KIF4A: variants seen among roughly 807,000 people sequenced by gnomAD.
KIF4A encodes the protein kinesin family member 4A, also known as chromosome-associated kinesin KIF4A.
Under a neutral mutation model 105.9 loss-of-function variants are expected in KIF4A, and 7 were observed. The observed-to-expected ratio is 0.07, with a 90% CI of 0.04 to 0.12. The LOEUF (loss-of-function observed/expected upper bound fraction) is 0.12. Among genes scored for constraint, KIF4A ranks in the 10% least tolerant of loss-of-function variants. The pLI, the probability that KIF4A is intolerant of heterozygous loss-of-function variation, is 1.00. For missense variants in KIF4A, 558 were observed against 929.2 expected (o/e 0.60, Z 5.19); for synonymous variants, 281 against 331.3 (o/e 0.85, Z 1.65).
intron 15 of KIF4A, among the ~76,000 whole-genome samples, chrX:70,357,445 G>A (rs2086056519): frequency 9.0e-6 from 1 of 111,554 alleles, no homozygotes; most frequent in South Asian, 3.8e-4. Flanking sequence ...CTTTCTCTAG[G>A]GCTGTTGCCC....
intron 28 of KIF4A, among the ~76,000 whole-genome samples, chrX:70,410,846 T>C (rs2086319037): frequency 1.8e-5 from 2 of 111,744 alleles, no homozygotes; most frequent in East Asian, 5.6e-4. Flanking sequence ...AGCCTAGGGG[T>C]TGTGGACCCC....
chrX:70,321,018 C>T (rs1232962178), intron 7 of KIF4A, among the ~76,000 whole-genome samples: 2 of 112,053 alleles, frequency 1.8e-5, no homozygotes, highest in Non-Finnish European at 3.8e-5. Context: ...AAAAATACCA[C>T]CTTTTACATG....
At chrX:70,340,472 G>T (rs2085968141) in intron 10 of KIF4A, among the ~76,000 whole-genome samples, 1 of 112,075 alleles carries the variant, frequency 8.9e-6, no homozygotes, top group Non-Finnish European at 1.9e-5. Flanking sequence ...AAACTATCGA[G>T]TTAAAAGTAT....
chrX:70,348,404 G>A (rs1011237737), intron 13 of KIF4A, among the ~76,000 whole-genome samples: 30 of 111,233 alleles, frequency 2.7e-4, no homozygotes, highest in Non-Finnish European at 4.9e-4. Context: ...CTCAGAGAGG[G>A]GGATGTGGCA....
intron 10 of KIF4A, among the ~76,000 whole-genome samples, chrX:70,340,224 T>C (rs1386644229): frequency 1.8e-5 from 2 of 111,883 alleles, no homozygotes; most frequent in African/African-American, 6.5e-5. Context: ...TAGGGGCTAT[T>C]GGGAGAACTT....
At chrX:70,319,485 C>T (rs1000744831) in intron 7 of KIF4A, among the ~76,000 whole-genome samples, 6 of 111,255 alleles carry the variant, frequency 5.4e-5, no homozygotes, top group African/African-American at 1.6e-4. Flanking sequence ...TCCGTTCTTT[C>T]CCTACTGATA....
intron 4 of KIF4A, among the ~76,000 whole-genome samples, chrX:70,298,306 C>T (rs760771349): frequency 3.6e-5 from 4 of 110,988 alleles, no homozygotes; most frequent in Non-Finnish European, 7.5e-5. Flanking sequence ...TCATAGCTCA[C>T]TGCAGCCTCC....
intron 18 of KIF4A, among the ~76,000 whole-genome samples, chrX:70,383,585 A>G (rs1400885433): frequency 1.8e-5 from 2 of 112,273 alleles, no homozygotes; most frequent in Non-Finnish European, 3.8e-5. Context: ...CCTTGTACCC[A>G]GATGTTCATG....
intron 29 of KIF4A, among the ~76,000 whole-genome samples, chrX:70,419,137 T>C (rs2086356481): frequency 9.1e-6 from 1 of 110,394 alleles, no homozygotes. Context: ...GAAGTCAGGC[T>C]AAGAACTGTA....
At chrX:70,350,007 G>A (rs1211109669) in intron 13 of KIF4A, among the ~76,000 whole-genome samples, 1 of 112,285 alleles carries the variant, frequency 8.9e-6, no homozygotes, top group Admixed American at 9.3e-5. Flanking sequence ...CCCAGACGGG[G>A]CAGCCGGGCA....
intron 10 of KIF4A, among the ~76,000 whole-genome samples, chrX:70,339,949 T>C (rs1415782121): frequency 8.9e-6 from 1 of 112,135 alleles, no homozygotes; most frequent in Non-Finnish European, 1.9e-5. Flanking sequence ...TATCACGTGG[T>C]CCTATAATAT....
At chrX:70,370,794 A>C (rs1170817260) in intron 15 of KIF4A, among the ~76,000 whole-genome samples, 2 of 109,234 alleles carry the variant, frequency 1.8e-5, no homozygotes, top group African/African-American at 6.6e-5. Flanking sequence ...AAATTAGCCA[A>C]GTGTGGTGGC....
intron 15 of KIF4A, among the ~76,000 whole-genome samples, chrX:70,364,823 A>T (rs1320016144): frequency 1.1e-4 from 12 of 111,636 alleles, no homozygotes; most frequent in Non-Finnish European, 1.7e-4. Context: ...ATCTATAAAT[A>T]ACCTTGGGCA....
chrX:70,371,853 G>A (rs1320264733), intron 15 of KIF4A, among the ~76,000 whole-genome samples: 8 of 103,044 alleles, frequency 7.8e-5, no homozygotes, highest in Admixed American at 2.0e-4. Flanking sequence ...CAGATGGGGC[G>A]GCTGCCGGGT....
At chrX:70,360,674 A>G (rs1262263307) in intron 15 of KIF4A, among the ~76,000 whole-genome samples, 2 of 113,047 alleles carry the variant, frequency 1.8e-5, no homozygotes, top group Non-Finnish European at 3.8e-5. Flanking sequence ...CAGAAAGGGC[A>G]GATCCAACTG....
chrX:70,352,234 C>T (rs767258388), intron 13 of KIF4A, among the ~76,000 whole-genome samples: 4 of 112,016 alleles, frequency 3.6e-5, no homozygotes, highest in Admixed American at 9.5e-5. Context: ...GTATACTAAG[C>T]GGTAGATGCA....
chrX:70,349,760 G>C (rs1233374829), intron 13 of KIF4A, among the ~76,000 whole-genome samples: 14 of 40,199 alleles, frequency 3.5e-4, no homozygotes, highest in East Asian at 9.8e-4. Context: ...GCGCTCCTCA[G>C]TTCCCAGACG....
At chrX:70,362,054 A>C (rs1416728669) in intron 15 of KIF4A, 1 of 161,384 alleles carries the variant, frequency 6.2e-6, no homozygotes, top group East Asian at 2.0e-4. Context: ...GGCTACTGGT[A>C]AATGTCACCA....
chrX:70,295,642 G>C (rs2085779330), intron 3 of KIF4A, among the ~76,000 whole-genome samples: 1 of 110,369 alleles, frequency 9.1e-6, no homozygotes. Flanking sequence ...CTATGGCTTG[G>C]TGTGGTGGCT....
Sources: gnomAD v4.1 joint callset for allele counts (sites outside exome capture counted in the v4.1 genomes callset) on GRCh38, gnomAD v4.1.1 for gene constraint, MANE v1.5 for transcripts, NCBI Gene and HGNC (gene_info 2026-07-23, HGNC 2026-07-21) for gene names.